Variants in FAM83E observed in about 807,000 individuals in gnomAD.
FAM83E encodes the protein scaffolding CK1 anchoring protein E.
A neutral mutation model predicts 34.3 loss-of-function variants in FAM83E; 29 were observed. The observed-to-expected ratio is 0.85, with a 90% CI of 0.63 to 1.15. The LOEUF (loss-of-function observed/expected upper bound fraction) is 1.15. Ranked by LOEUF, FAM83E falls within the 50% of genes most tolerant of loss-of-function variation. The pLI is 0.00. For synonymous variants in FAM83E, 312 were observed against 311.6 expected, an observed-to-expected ratio of 1.00 and a Z score of -0.01; for missense variants, 697 against 685.0, an observed-to-expected ratio of 1.02 and a Z score of -0.20.
At position 48,613,295 on chromosome 19, in the gene FAM83E, T is replaced by C. The variant is rs1407846500; in HGVS notation, c.78A>G (p.Leu26=). 2.5e-6 allele frequency: 4 copies of C among 1,607,638 alleles called. No homozygotes were observed. In the South Asian group the frequency reaches 3.3e-5, roughly 13 times the overall value. Reference sequence around the variant, plus strand: ...GTGCCAGCCGCTGGCCCTCGGAATATAGAAAGCCGGGGCTGGCCCCGGGCA... The same window carrying C: ...GTGCCAGCCGCTGGCCCTCGGAATACAGAAAGCCGGGGCTGGCCCCGGGCA... The part of the protein sequence containing the change: ...PRVPGASPGF[L]YSEGQRLALE... Residue 26 remains leucine, a synonymous_variant, in exon 3 of 7, where the codon CTA becomes CTG. Coordinates refer to ENST00000263266, the MANE Select transcript of FAM83E (RefSeq NM_017708.4).
In FAM83E at chr19:48,610,045, T is replaced by C. The variant is rs527731507; in HGVS notation, c.634-45A>G. On this transcript the variant is annotated intron_variant, in intron 4 of 6. Transcript: ENST00000263266. ...AGGGTACACCCTTGCTGAGGCCCAC[T>C]GCATGGATTCAGGCTCCCTCCAGAC... 6.0e-5 allele frequency: 96 copies of C among 1,596,328 alleles called. 2 individuals carry two copies. The South Asian group carries it at 7.1e-4, about 12-fold the overall frequency.
intron 3 of FAM83E, among the ~76,000 whole-genome samples, chr19:48,611,170 G>GTT (rs1352374027): frequency 6.4e-5 from 8 of 125,718 alleles, no homozygotes; most frequent in African/African-American, 5.7e-5. Context: ...GTTGTTTTTT[G>GTT]TTGTTTTTTT....
chr19:48,606,899 G>A, intron 5 of FAM83E: 2 of 1,521,508 alleles, frequency 1.3e-6, no homozygotes, highest in East Asian at 2.3e-5. Context: ...GGAGTCCTCA[G>A]AGGTCCTTCA....
At chr19:48,610,104 A>T in intron 4 of FAM83E, 104 bp from the exon 5 acceptor site, 1 of 1,453,324 alleles carries the variant, frequency 6.9e-7, no homozygotes. Context: ...ACTCCATAGA[A>T]GTATCTGTCC....
intron 5 of FAM83E, among the ~76,000 whole-genome samples, chr19:48,605,041 A>AAC (rs1973902747): frequency 6.7e-6 from 1 of 148,474 alleles, no homozygotes; most frequent in African/African-American, 2.5e-5. Context: ...AAAAAAAAAA[A>AAC]AACTTATCTG....
intron 4 of FAM83E, among the ~76,000 whole-genome samples, chr19:48,610,416 A>AAAAAAAAAAG (rs1974019879): frequency 6.6e-6 from 1 of 151,078 alleles, no homozygotes; most frequent in Non-Finnish European, 1.5e-5. Context: ...AAAAAAAAAA[A>AAAAAAAAAAG]AAAAAAAAGA....
intron 5 of FAM83E, among the ~76,000 whole-genome samples, chr19:48,604,625 G>A (rs568604532): frequency 6.7e-6 from 1 of 150,292 alleles, no homozygotes; most frequent in Non-Finnish European, 1.5e-5. Context: ...AGCCACCCGT[G>A]CCCGGCTGAG....
At chr19:48,602,867 A>ATTTTTT (rs942370511) in intron 6 of FAM83E, among the ~76,000 whole-genome samples, 3 of 124,270 alleles carry the variant, frequency 2.4e-5, no homozygotes, top group African/African-American at 9.2e-5. Context: ...TATTATTATT[A>ATTTTTT]TTTTGAGACA....
In FAM83E at chr19:48,614,122, G is replaced by C; in HGVS notation, c.-750C>G. ...CTGGGCCTGCTCGCTCAGCCTTAAAGGCCGAAGGCTTGGCAAACCCTTCCC... is the reference window on the plus strand; with the variant it reads ...CTGGGCCTGCTCGCTCAGCCTTAAACGCCGAAGGCTTGGCAAACCCTTCCC... On this transcript the variant is annotated 5_prime_UTR_variant, in exon 3 of 7. Coordinates refer to ENST00000263266, the MANE Select transcript of FAM83E (RefSeq NM_017708.4). The C allele has an allele frequency of 1.0e-6, 1 of 985,712 alleles. No homozygotes were observed. The highest frequency in any genetic ancestry group is 4.7e-5 in the South Asian group (1 of 21,302). 61.1% of individuals were successfully genotyped at this position (985,712 alleles called of 1,614,324 possible). A position where few individuals can be genotyped will look rare whatever the true frequency, so the allele number is the denominator to read the frequency against.
In FAM83E at chr19:48,614,323, C is replaced by A. The variant is rs1974104633; in HGVS notation, c.-951G>T. ...CCAGCCACCCTCCTCAGGCTGGCTG[C>A]CCCTGCCTGGGGCCTGGCCCTGGGA... On this transcript the variant is annotated 5_prime_UTR_variant, in exon 3 of 7. Transcript: ENST00000263266. The A allele has an allele frequency of 5.1e-6, 5 of 985,680 alleles. No homozygotes were observed. The highest frequency in any genetic ancestry group is 6.0e-6 in the Non-Finnish European group (5 of 830,180). 61.1% of individuals were successfully genotyped at this position (985,680 alleles called of 1,614,324 possible).
At chr19:48,607,599 C>A in intron 5 of FAM83E, 1 of 532,236 alleles carries the variant, frequency 1.9e-6, no homozygotes, top group Non-Finnish European at 3.4e-6. Flanking sequence ...TTCTAAGACG[C>A]AGAGCTTCTC....
chr19:48,609,769 T>G, intron 5 of FAM83E, 107 bp downstream of exon 5: 4 of 1,275,730 alleles, frequency 3.1e-6, no homozygotes, highest in Non-Finnish European at 4.4e-6. Flanking sequence ...ATTACACAGA[T>G]GAGAAAAGAG....
At chr19:48,604,006 TCA>T in intron 5 of FAM83E, 95 bp from the exon 6 acceptor site, 2 of 1,312,446 alleles carry the variant, frequency 1.5e-6, no homozygotes, top group Non-Finnish European at 2.1e-6. Flanking sequence ...CCGTAGGACC[TCA>T]GGCGAGTCCT....
At position 48,600,793 on chromosome 19, in the gene FAM83E, A is replaced by C. The variant is rs373325351; in HGVS notation, c.*316T>G. The C allele has an allele frequency of 2.0e-5, 5 of 243,914 alleles. No homozygotes were observed. The highest frequency in any genetic ancestry group is 7.9e-5 in the South Asian group (1 of 12,732). The allele number at this position is 243,914 out of a possible 1,614,324, so 15.1% of individuals were successfully genotyped here. ...CAGCCTCCTGCGTAGCTGGGACCAC[A>C]GGCGTGCGCCACCACACCCAACTAA... On this transcript the variant is annotated 3_prime_UTR_variant, in exon 7 of 7. Transcript: ENST00000263266.
In FAM83E at chr19:48,600,564, C is replaced by A. The variant is rs182773837; in HGVS notation, c.*545G>T. 6.6e-6 allele frequency among the ~76,000 whole-genome samples: 1 copy of A among 152,022 alleles called. No homozygotes were observed. Among genetic ancestry groups the A allele is most frequent in the East Asian group, 1.9e-4 (1 of 5,158 alleles). On this transcript the variant is annotated 3_prime_UTR_variant, in exon 7 of 7. Transcript: ENST00000263266. ...GGTCAGGTTGGTCTTGAACTCCTGA[C>A]CTCAGGTGATCCACATGCCTCAGCC...
Position 48,601,052 on chromosome 19 carries a change from G to C in FAM83E, c.*57C>G. 6.5e-7 allele frequency: 1 copy of C among 1,549,256 alleles called. No individual in the cohort carries two copies. The highest frequency in any genetic ancestry group is 8.7e-7 in the Non-Finnish European group (1 of 1,149,450). Reference sequence around the variant, plus strand: ...GCATTGAGGCAGAGGGCTCTGAGCCGACAGTTGTCCGGCACTGCTCCTTGG... The same window carrying C: ...GCATTGAGGCAGAGGGCTCTGAGCCCACAGTTGTCCGGCACTGCTCCTTGG... On this transcript the variant is annotated 3_prime_UTR_variant, in exon 7 of 7. Transcript: ENST00000263266.
intron 5 of FAM83E, chr19:48,607,066 G>C: frequency 1.2e-6 from 2 of 1,613,092 alleles, no homozygotes; most frequent in Non-Finnish European, 1.7e-6. Context: ...TGAGCTCACC[G>C]ACTCCATGCA....
chr19:48,610,948 T>G, intron 3 of FAM83E, 101 bp from the exon 4 acceptor site: 1 of 1,231,574 alleles, frequency 8.1e-7, no homozygotes, highest in South Asian at 1.5e-5. Context: ...GGGAGTAAAG[T>G]GCTCTGGGGG....
rs138381139 is a variant in FAM83E at position 48,607,427 on chromosome 19, C to T, written c.758+2449G>A. ...CCCATGTCCCCATGTCCTTCCCCCA[C>T]TAAATGGCCAGAGAGGCCCTGGACA... On this transcript the variant is annotated intron_variant, in intron 5 of 6. Coordinates refer to ENST00000263266, the MANE Select transcript of FAM83E (RefSeq NM_017708.4). The T allele has an allele frequency of 4.3e-5, 64 of 1,489,366 alleles. No individual in the cohort carries two copies. The East Asian group carries it at 1.6e-3, about 36-fold the overall frequency. 92.3% of individuals were successfully genotyped at this position (1,489,366 alleles called of 1,614,324 possible). A position where few individuals can be genotyped will look rare whatever the true frequency, so the allele number is the denominator to read the frequency against.
Sources: allele counts gnomAD v4.1 joint callset (sites outside exome capture counted in the v4.1 genomes callset), GRCh38; gene constraint gnomAD v4.1.1; transcripts MANE v1.5; gene names NCBI Gene and HGNC (gene_info 2026-07-23, HGNC 2026-07-21).